EEF2KMT: variants seen among roughly 807,000 people sequenced by gnomAD.
EEF2KMT encodes eukaryotic elongation factor 2 lysine methyltransferase.
In EEF2KMT, 30 loss-of-function variants were observed where a neutral mutation model predicts 35.1. The ratio of observed to expected loss-of-function variants is 0.85; its 90% CI spans 0.64 to 1.16. The LOEUF is 1.16. Ranked by LOEUF, EEF2KMT falls within the 50% of genes most tolerant of loss-of-function variation. The pLI, the probability that EEF2KMT is intolerant of heterozygous loss-of-function variation, is 0.00. For synonymous variants in EEF2KMT, 190 were observed against 187.7 expected, an observed-to-expected ratio of 1.01 and a Z score of -0.10; for missense variants, 499 against 438.2, an observed-to-expected ratio of 1.14 and a Z score of -1.24.
At position 5,089,157 on chromosome 16, in the gene EEF2KMT, G is replaced by A. The variant is rs1282579438; in HGVS notation, c.842C>T (p.Ala281Val). 1 of 1,612,448 alleles carries A rather than the reference G, an allele frequency of 6.2e-7. No individual in the cohort carries two copies. The highest frequency in any genetic ancestry group is 1.7e-5 in the Admixed American group (1 of 60,018). ...EHQRAPEVYV[A>V]FTVRNPETCQ... Reference sequence around the variant, plus strand: ...CGTCTCTGGGTTGCGGACGGTAAAGGCCACGTAGACCTCAGGAGCCCGCTG... The same window carrying A: ...CGTCTCTGGGTTGCGGACGGTAAAGACCACGTAGACCTCAGGAGCCCGCTG... The change falls in exon 7 of 8, where the codon GCC (alanine) becomes GTC (valine). Residue 281 changes from alanine to valine, a missense_variant. Transcript: ENST00000427587.
intron 7 of EEF2KMT, 152 bp downstream of exon 7, chr16:5,088,955 C>T (rs1957276992): frequency 2.6e-6 from 4 of 1,539,862 alleles, no homozygotes; most frequent in Non-Finnish European, 3.5e-6. Flanking sequence ...CCCAAGCCCA[C>T]CCTGCTCACT....
rs1417442112 is a variant in EEF2KMT at position 5,097,731 on chromosome 16, G to C, written c.9C>G (p.Pro3=). ...AGAGTTCGGTCCCCGCGTTCTCCTC[G>C]GGCGCCATGACGTGGGCGGGGCCGC... MA[P]EENAGTELLL... is the part of the protein sequence containing the mutation. The change falls in exon 1 of 8, where the codon CCC becomes CCG. Residue 3 remains proline, a synonymous_variant. Transcript: ENST00000427587. The C allele has an allele frequency of 8.9e-6, 14 of 1,564,832 alleles. No individual in the cohort carries two copies. The highest frequency in any genetic ancestry group is 2.3e-5 in the South Asian group (2 of 85,930).
At chr16:5,089,389 A>T in intron 6 of EEF2KMT, 133 bp from the exon 7 acceptor site, 2 of 1,253,448 alleles carry the variant, frequency 1.6e-6, no homozygotes, top group Non-Finnish European at 2.2e-6. Context: ...CATTTGGGCC[A>T]TTAGATGGAA....
rs545516332 is a variant in EEF2KMT at position 5,089,363 on chromosome 16, G to T, written c.743-107C>A. 1.3e-5 allele frequency: 19 copies of T among 1,450,182 alleles called. No individual in the cohort carries two copies. In the Admixed American group the frequency reaches 2.4e-4, roughly 19 times the overall value. The allele number at this position is 1,450,182 out of a possible 1,614,324, so 89.8% of individuals were successfully genotyped here. ...GAGAGGCAGCGGTCATATGAGACTA[G>T]TAGATGCCATTTGACCATTTGGGCC... On this transcript the variant is annotated intron_variant, in intron 6 of 7. Transcript: ENST00000427587.
Position 5,093,546 on chromosome 16 carries a change from A to G in EEF2KMT, c.178T>C (p.Cys60Arg), listed in dbSNP as rs1957388330. The part of the protein sequence containing the change: ...ILHKTVKHPV[C>R]VKHPPSVKYA... ...TTGACGGACGGCGGGTGCTTCACACACACAGGATGCTTCACAGTCTACGGC... is the reference window on the plus strand; with the variant it reads ...TTGACGGACGGCGGGTGCTTCACACGCACAGGATGCTTCACAGTCTACGGC... The change falls in exon 3 of 8, where the codon TGT becomes CGT. Residue 60 changes from cysteine (C) to arginine (R), a missense_variant. Transcript: ENST00000427587. 3.1e-6 allele frequency: 5 copies of G among 1,612,022 alleles called. No homozygotes were observed. The highest frequency in any genetic ancestry group is 4.2e-6 in the Non-Finnish European group (5 of 1,179,854).
rs779789598 is a variant in EEF2KMT, at chr16:5,090,252, G to A, written c.574C>T (p.Arg192Trp). 8 of 1,611,930 alleles carry A rather than the reference G, an allele frequency of 5.0e-6. No homozygotes were observed. Among genetic ancestry groups the A allele is most frequent in the South Asian group, 2.2e-5 (2 of 91,000 alleles). Residue 192 changes from arginine to tryptophan, a missense_variant, in exon 6 of 8, where the codon CGG (arginine) becomes TGG (tryptophan). Coordinates refer to ENST00000427587, the MANE Select transcript of EEF2KMT (RefSeq NM_201400.4). The surrounding 1 kb of genome is among the most constrained non-coding windows in gnomAD (Gnocchi z 4.1). ...RAYIFSDCHS[R>W]VLEQLRGNVL... Reference sequence around the variant, plus strand: ...TTCCCTCGGAGCTGCTCAAGGACCCGGCTGTGACAGTCGCTGAAGATGTAT... The same window carrying A: ...TTCCCTCGGAGCTGCTCAAGGACCCAGCTGTGACAGTCGCTGAAGATGTAT...
rs140633124 is a variant in EEF2KMT at position 5,089,113 on chromosome 16, C to T, written c.886G>A (p.Glu296Lys). The change falls in exon 7 of 8, where the codon GAG (glutamate) becomes AAG (lysine). Residue 296 changes from glutamate to lysine, a missense_variant. Transcript: ENST00000427587. ...GGTGGGCGTGGAGGCTCACCTAGCT[C>T]GGTGGTGAACAGCTGGCACGTCTCT... ...NPETCQLFTTELGRAGIRWEV... is the reference protein window; with the variant it reads ...NPETCQLFTTKLGRAGIRWEV... 50 of 1,612,578 alleles carry T rather than the reference C, an allele frequency of 3.1e-5. No homozygotes were observed. Among genetic ancestry groups the T allele is most frequent in the African/African-American group, 1.7e-4 (13 of 74,898 alleles).
Position 5,096,811 on chromosome 16 carries a change from G to C in EEF2KMT, c.96+833C>G, listed in dbSNP as rs1957478402. ...CAGCGTGGGCATGTGAACAATTACA[G>C]TCAATACTGAATGGAGACCTATGAT... On this transcript the variant is annotated intron_variant, in intron 1 of 7. Coordinates refer to ENST00000427587, the MANE Select transcript of EEF2KMT (RefSeq NM_201400.4). Among the ~76,000 whole-genome samples, 4 of 152,216 alleles carry C rather than the reference G, an allele frequency of 2.6e-5. No individual in the cohort carries two copies. The South Asian group carries it at 8.3e-4, about 32-fold the overall frequency.
At chr16:5,094,819 G>A (rs1331126884) in intron 2 of EEF2KMT, among the ~76,000 whole-genome samples, 5 of 152,168 alleles carry the variant, frequency 3.3e-5, no homozygotes, top group Non-Finnish European at 5.9e-5. Flanking sequence ...GAGGATATCT[G>A]CCTCCTGAGT....
chr16:5,094,679 G>A (rs919324219), intron 2 of EEF2KMT, among the ~76,000 whole-genome samples: 1 of 151,338 alleles, frequency 6.6e-6, no homozygotes, highest in African/African-American at 2.4e-5. Context: ...CTCCATGCTC[G>A]AAGCCCTGGT....
At position 5,095,526 on chromosome 16, in the gene EEF2KMT, G is replaced by A. The variant is rs553943874; in HGVS notation, c.97-12C>T. ...TTTGCTTCTAAGCTCTGTGTGGAGG[G>A]GAAAGAGAGAAATCTCAAGGGCGCA... On this transcript the variant is annotated splice_polypyrimidine_tract_variant and intron_variant, in intron 1 of 7. Transcript: ENST00000427587. The A allele has an allele frequency of 3.7e-6, 6 of 1,611,366 alleles. No individual in the cohort carries two copies. In the Admixed American group the frequency reaches 5.0e-5, roughly 13 times the overall value.
At position 5,085,118 on chromosome 16, in the gene EEF2KMT, A is replaced by G; in HGVS notation, c.*514T>C. 2 of 702,294 alleles carry G rather than the reference A, an allele frequency of 2.8e-6. No individual in the cohort carries two copies. Among genetic ancestry groups the G allele is most frequent in the Non-Finnish European group, 4.7e-6 (2 of 427,026 alleles). The allele number at this position is 702,294 out of a possible 1,614,324, so 43.5% of individuals were successfully genotyped here. A position where few individuals can be genotyped will look rare whatever the true frequency, so the allele number is the denominator to read the frequency against. ...TCTCTTCTTCTGTTCTTCACGCCCC[A>G]TGCCCCTGCTAGCGTATTACTGTTC... On this transcript the variant is annotated 3_prime_UTR_variant, in exon 8 of 8. Transcript: ENST00000427587.
At chr16:5,093,362 C>G in intron 3 of EEF2KMT, 122 bp downstream of exon 3, 2 of 1,505,520 alleles carry the variant, frequency 1.3e-6, no homozygotes, top group African/African-American at 2.8e-5. Flanking sequence ...AGCCAGTTGC[C>G]TGGGGAGGCC....
At chr16:5,086,334 CAAAAAAAA>C (rs374671583) in intron 7 of EEF2KMT, among the ~76,000 whole-genome samples, 1 of 128,300 alleles carries the variant, frequency 7.8e-6, no homozygotes, top group Admixed American at 8.0e-5. Flanking sequence ...GACTAAGTCT[CAAAAAAAA>C]AAAAAAAAAA....
At position 5,093,679 on chromosome 16, in the gene EEF2KMT, G is replaced by A. The variant is rs927128066; in HGVS notation, c.160-115C>T. 8 of 1,548,212 alleles carry A rather than the reference G, an allele frequency of 5.2e-6. No individual in the cohort carries two copies. The East Asian group carries it at 1.2e-4, about 23-fold the overall frequency. On this transcript the variant is annotated intron_variant, in intron 2 of 7. Coordinates refer to ENST00000427587, the MANE Select transcript of EEF2KMT (RefSeq NM_201400.4). ...GGCTACCCGATCCCTCAGCAAAGAT[G>A]TAGATGGACACAGCGTTTTGGCCCC...
intron 7 of EEF2KMT, among the ~76,000 whole-genome samples, chr16:5,088,732 C>T (rs935074702): frequency 2.0e-4 from 30 of 152,126 alleles, no homozygotes; most frequent in African/African-American, 6.8e-4. Context: ...GTGGTGGATC[C>T]GCCTGTACAT....
At position 5,089,244 on chromosome 16, in the gene EEF2KMT, C is replaced by T; in HGVS notation, c.755G>A (p.Cys252Tyr). The T allele has an allele frequency of 6.2e-7, 1 of 1,604,768 alleles. No individual in the cohort carries two copies. Among genetic ancestry groups the T allele is most frequent in the Non-Finnish European group, 8.5e-7 (1 of 1,179,806 alleles). The change falls in exon 7 of 8, where the codon TGC (cysteine) becomes TAC (tyrosine). Residue 252 changes from cysteine (C) to tyrosine (Y), a missense_variant. By Grantham distance (194) the Cys-to-Tyr change is radical. Transcript: ENST00000427587. ...GACCAGCGACATGATGGCTTCTGGG[C>T]AATACAGCACATCTATGGTGAAAGC... ...DVVIAADVLYCPEAIMSLVGV... is the reference protein window; with the variant it reads ...DVVIAADVLYYPEAIMSLVGV...
chr16:5,086,617 T>C (rs1957183262), intron 7 of EEF2KMT: 1 of 151,778 alleles, frequency 6.6e-6, no homozygotes, highest in Non-Finnish European at 1.5e-5. Flanking sequence ...TTTTTTTATT[T>C]TGTAGAGATG....
At chr16:5,091,213 C>G (rs992100318) in intron 4 of EEF2KMT, among the ~76,000 whole-genome samples, 2 of 152,198 alleles carry the variant, frequency 1.3e-5, no homozygotes, top group African/African-American at 4.8e-5. Flanking sequence ...TCCCTAGTAG[C>G]TGGGATTACA....
Sources: gnomAD v4.1 joint callset for allele counts (sites outside exome capture counted in the v4.1 genomes callset) on GRCh38, gnomAD v4.1.1 for gene constraint, Gnocchi (gnomAD v3.1) non-coding constraint, MANE v1.5 for transcripts, NCBI Gene and HGNC (gene_info 2026-07-23, HGNC 2026-07-21) for gene names.